The following UNC45B variants were observed in gnomAD, a reference collection of about 807,000 sequenced individuals.
The protein encoded by UNC45B is protein unc-45 homolog B.
Under a neutral mutation model 98.7 loss-of-function variants are expected in UNC45B, and 78 were observed. The observed-to-expected ratio is 0.79, with a 90% CI of 0.66 to 0.95. The LOEUF is 0.95. Ranked by LOEUF, UNC45B falls within the 40% of genes least tolerant of loss-of-function variation. UNC45B has a pLI of 0.00. For synonymous variants in UNC45B, 462 were observed against 480.4 expected (o/e 0.96, Z 0.50); for missense variants, 1,225 against 1,184.9 (o/e 1.03, Z -0.50).
intron 8 of UNC45B, among the ~76,000 whole-genome samples, chr17:35,160,714 A>G (rs921449116): frequency 1.3e-5 from 2 of 152,228 alleles, no homozygotes; most frequent in East Asian, 3.8e-4. Context: ...CTGGAATTAC[A>G]GGCGCGAGCC....
At chr17:35,161,334 G>T (rs974143770) in intron 8 of UNC45B, among the ~76,000 whole-genome samples, 1 of 152,212 alleles carries the variant, frequency 6.6e-6, no homozygotes, top group African/African-American at 2.4e-5. Context: ...GGGCTGGGAG[G>T]CACGGTAAGG....
chr17:35,178,908 T>C (rs1389062164), intron 17 of UNC45B, among the ~76,000 whole-genome samples: 1 of 152,238 alleles, frequency 6.6e-6, no homozygotes, highest in East Asian at 1.9e-4. Context: ...ATATCTGTTT[T>C]GGTACCAGTA....
chr17:35,155,163 G>A (rs2092049786), intron 6 of UNC45B, 133 bp from the exon 7 acceptor site: 2 of 1,093,548 alleles, frequency 1.8e-6, no homozygotes, highest in African/African-American at 3.1e-5. Context: ...GGGCCCATGA[G>A]GCAATGGCTG....
chr17:35,179,929 A>T (rs1007028300), intron 17 of UNC45B, among the ~76,000 whole-genome samples: 1 of 152,120 alleles, frequency 6.6e-6, no homozygotes, highest in East Asian at 1.9e-4. Context: ...CCAGGTGGAT[A>T]GTGGGATAAA....
intron 17 of UNC45B, 75 bp from the exon 18 acceptor site, chr17:35,180,484 C>T (rs567679253): frequency 1.7e-6 from 2 of 1,154,234 alleles, no homozygotes; most frequent in South Asian, 1.4e-5. Context: ...AAGAATGGTC[C>T]CTGGGTGGCC....
rs112511136 is a variant in UNC45B at position 35,174,957 on chromosome 17, GAA to G, written c.1958+590_1958+591del. ...AGAAAGAAAAAGAAAGAAAGAAAAA[GAA>G]AGAGAAAGAAAGAGGAAGAAAGGAG... On this transcript the variant is annotated intron_variant, in intron 14 of 19. Coordinates refer to ENST00000394570, the MANE Select transcript of UNC45B (RefSeq NM_001267052.2). Among the ~76,000 whole-genome samples the G allele has an allele frequency of 1.4e-3, 49 of 36,088 alleles. 1 individual carries two copies. Among genetic ancestry groups the G allele is most frequent in the African/African-American group, 6.7e-3 (47 of 6,976 alleles). The allele number at this position is 36,088 out of a possible 152,430, so 23.7% of individuals were successfully genotyped here. A position where few individuals can be genotyped will look rare whatever the true frequency, so the allele number is the denominator to read the frequency against.
intron 3 of UNC45B, among the ~76,000 whole-genome samples, 199 bp downstream of exon 3, chr17:35,149,208 G>A (rs2091998702): frequency 6.6e-6 from 1 of 152,150 alleles, no homozygotes; most frequent in Admixed American, 6.5e-5. Context: ...CCCAGAAAAG[G>A]CAACTCCCAG....
intron 7 of UNC45B, 152 bp from the exon 8 acceptor site, chr17:35,159,223 G>A: frequency 1.3e-6 from 1 of 765,808 alleles, no homozygotes; most frequent in Admixed American, 2.5e-5. Flanking sequence ...TTTTCCAGGT[G>A]AGATGGGCAA....
At chr17:35,171,556 C>A in intron 13 of UNC45B, 94 bp downstream of exon 13, 1 of 1,499,790 alleles carries the variant, frequency 6.7e-7, no homozygotes, top group Non-Finnish European at 9.0e-7. Flanking sequence ...AGGAGTGGCA[C>A]GGTGTGTGTT....
rs140652716 is a variant in UNC45B at position 35,177,010 on chromosome 17, C to T, written c.2026-7C>T. On this transcript the variant is annotated splice_polypyrimidine_tract_variant and splice_region_variant and intron_variant, in intron 15 of 19. Transcript: ENST00000394570. The stretch of plus-strand genomic sequence containing the variant: ...TGACTAAGTAGTGACCTTGCCCTTT[C>T]TTGCAGGCCCTGATTCCCCTGGCTT... 3.3e-4 allele frequency: 531 copies of T among 1,612,618 alleles called. No homozygotes were observed. The highest frequency in any genetic ancestry group is 1.8e-3 in the African/African-American group (137 of 75,012).
chr17:35,154,694 G>A lies in UNC45B; in HGVS notation c.592G>A (p.Ala198Thr). Reference sequence around the variant, plus strand: ...CACTAAGAAGCCTGAGCTGGTGCTGGCTGCAGTGCGGACCCTGTCGGGCAT... The same window carrying A: ...CACTAAGAAGCCTGAGCTGGTGCTGACTGCAGTGCGGACCCTGTCGGGCAT... ...LDTKKPELVL[A>T]AVRTLSGMCS... Residue 198 changes from alanine (A) to threonine (T), a missense_variant, in exon 6 of 20, where the codon GCT (alanine) becomes ACT (threonine). Transcript: ENST00000394570. 4.3e-6 allele frequency: 7 copies of A among 1,611,312 alleles called. No homozygotes were observed. The highest frequency in any genetic ancestry group is 5.9e-6 in the Non-Finnish European group (7 of 1,179,390).
chr17:35,175,060 G>GAAGAAAGAAAGAAAGAAAGAGAAAGA (rs2092219940), intron 14 of UNC45B, among the ~76,000 whole-genome samples: 1 of 110,058 alleles, frequency 9.1e-6, no homozygotes, highest in Admixed American at 9.3e-5. Flanking sequence ...AGAAAGGAAA[G>GAAGAAAGAAAGAAAGAAAGAGAAAGA]AAGAAAGAAA....
At chr17:35,185,962 T>C (rs2092300861) in intron 19 of UNC45B, among the ~76,000 whole-genome samples, 1 of 152,164 alleles carries the variant, frequency 6.6e-6, no homozygotes, top group Admixed American at 6.5e-5. Context: ...CAGTGTCATC[T>C]GATTTGCTTT....
intron 13 of UNC45B, among the ~76,000 whole-genome samples, chr17:35,172,400 C>T (rs2092193479): frequency 6.6e-6 from 1 of 152,094 alleles, no homozygotes; most frequent in Non-Finnish European, 1.5e-5. Context: ...CAGGCATGCA[C>T]CACCATGCCC....
In UNC45B at chr17:35,187,545, T is replaced by A. The variant is rs1391952493; in HGVS notation, c.*986T>A. 6.6e-6 allele frequency: 1 copy of A among 152,216 alleles called. No individual in the cohort carries two copies. The highest frequency in any genetic ancestry group is 1.9e-4 in the East Asian group (1 of 5,200). 9.4% of individuals were successfully genotyped at this position (152,216 alleles called of 1,614,324 possible). A position where few individuals can be genotyped will look rare whatever the true frequency, so the allele number is the denominator to read the frequency against. ...GTCTATGTCTCAGGTCACATTTCCA[T>A]CTATGAACCAATCATATTCAGAGGT... On this transcript the variant is annotated 3_prime_UTR_variant, in exon 20 of 20. Transcript: ENST00000394570.
intron 3 of UNC45B, 43 bp downstream of exon 3, chr17:35,149,052 T>C (rs1316566544): frequency 1.9e-5 from 30 of 1,611,618 alleles, no homozygotes; most frequent in Non-Finnish European, 2.5e-5. Flanking sequence ...CACATTCTCC[T>C]CTGCATGGCC....
In UNC45B at chr17:35,177,022, G is replaced by A. The variant is rs779699146; in HGVS notation, c.2031G>A (p.Leu677=). Residue 677 remains leucine (L), a synonymous_variant, in exon 16 of 20, where the codon CTG becomes CTA. Coordinates refer to ENST00000394570, the MANE Select transcript of UNC45B (RefSeq NM_001267052.2). ...TIVAQGGGKA[L]IPLALEGTDV... ...GACCTTGCCCTTTCTTGCAGGCCCT[G>A]ATTCCCCTGGCTTTGGAGGGCACAG... 24 of 1,613,818 alleles carry A rather than the reference G, an allele frequency of 1.5e-5. No individual in the cohort carries two copies. Among genetic ancestry groups the A allele is most frequent in the Middle Eastern group, 3.3e-4 (2 of 6,082 alleles).
At chr17:35,151,798 C>G (rs1165495654) in intron 4 of UNC45B, among the ~76,000 whole-genome samples, 1 of 152,166 alleles carries the variant, frequency 6.6e-6, no homozygotes, top group East Asian at 1.9e-4. Context: ...CTCCGCACCC[C>G]CAAAGGAAAT....
intron 8 of UNC45B, among the ~76,000 whole-genome samples, chr17:35,160,318 G>GT (rs1312265317): frequency 1.3e-5 from 2 of 152,220 alleles, no homozygotes; most frequent in African/African-American, 4.8e-5. Context: ...CCTTTTATCT[G>GT]TAGCTATCTG....
Sources: gnomAD v4.1 joint callset for allele counts (sites outside exome capture counted in the v4.1 genomes callset) on GRCh38, gnomAD v4.1.1 for gene constraint, MANE v1.5 for transcripts, NCBI Gene and HGNC (gene_info 2026-07-23, HGNC 2026-07-21) for gene names.